IL1RAP: variants seen among roughly 807,000 people sequenced by gnomAD.
The protein encoded by IL1RAP is interleukin-1 receptor accessory protein.
Under a neutral mutation model 60.7 loss-of-function variants are expected in IL1RAP, and 35 were observed. That is an observed-to-expected ratio of 0.58 (90% CI 0.44 to 0.76). IL1RAP has a LOEUF of 0.76. Among genes scored for constraint, IL1RAP ranks in the 30% least tolerant of loss-of-function variants. IL1RAP has a pLI of 0.00. For synonymous variants in IL1RAP, 268 were observed against 250.9 expected (o/e 1.07, Z -0.64); for missense variants, 572 against 693.9 (o/e 0.82, Z 1.97).
intron 1 of IL1RAP, among the ~76,000 whole-genome samples, chr3:190,525,542 A>G (rs911726846): frequency 6.6e-6 from 1 of 152,200 alleles, no homozygotes; most frequent in Non-Finnish European, 1.5e-5. Context: ...AGGTGTTTAG[A>G]GCCTTGAACA....
rs1727445042 is a variant in IL1RAP, at chr3:190,576,371, A to AC, written c.64+12018_64+12019insC. On this transcript the variant is annotated intron_variant, in intron 3 of 11. Transcript: ENST00000447382. ...TAATGTCATCAGAATGCAAGGAGCT[A>AC]TTATATATATATACACACACACACA... Among the ~76,000 whole-genome samples the AC allele has an allele frequency of 5.4e-5, 6 of 111,346 alleles. No individual in the cohort carries two copies. In the South Asian group the frequency reaches 1.7e-3, roughly 32 times the overall value. 73.0% of individuals were successfully genotyped at this position (111,346 alleles called of 152,430 possible).
chr3:190,562,604 C>G (rs1725987377), intron 2 of IL1RAP, among the ~76,000 whole-genome samples: 1 of 151,902 alleles, frequency 6.6e-6, no homozygotes, highest in Admixed American at 6.6e-5. Flanking sequence ...AACTTGGAAA[C>G]TCAAAGGATA....
Position 190,651,057 on chromosome 3 carries a change from G to C in IL1RAP, c.*2352G>C. ...TTATGTGATACGTATCATTGCAAGA[G>C]AATTTGTTTCAAGATTTTTTTTTAA... On this transcript the variant is annotated 3_prime_UTR_variant, in exon 12 of 12. Transcript: ENST00000447382. 1.0e-6 allele frequency: 1 copy of C among 984,630 alleles called. No homozygotes were observed. Among genetic ancestry groups the C allele is most frequent in the Non-Finnish European group, 1.2e-6 (1 of 829,378 alleles). The allele number at this position is 984,630 out of a possible 1,614,324, so 61.0% of individuals were successfully genotyped here. A position where few individuals can be genotyped will look rare whatever the true frequency, so the allele number is the denominator to read the frequency against.
At chr3:190,558,496 G>A (rs369648411) in intron 2 of IL1RAP, among the ~76,000 whole-genome samples, 54 of 152,168 alleles carry the variant, frequency 3.5e-4, no homozygotes, top group South Asian at 2.7e-3. Flanking sequence ...GTGTATTGTG[G>A]TATCTCCTTG....
downstream of IL1RAP, among the ~76,000 whole-genome samples, chr3:190,652,156 C>T (rs1020027134): frequency 3.3e-5 from 5 of 152,034 alleles, no homozygotes; most frequent in African/African-American, 9.6e-5. Context: ...ACAGGGATGC[C>T]TTTTTGCTTT....
intron 2 of IL1RAP, among the ~76,000 whole-genome samples, chr3:190,561,076 C>T (rs1314897831): frequency 6.6e-6 from 1 of 152,040 alleles, no homozygotes; most frequent in Non-Finnish European, 1.5e-5. Flanking sequence ...GTCTGTTAGG[C>T]CCCATTGCAA....
intron 3 of IL1RAP, among the ~76,000 whole-genome samples, chr3:190,593,947 G>A (rs530134212): frequency 4.0e-4 from 61 of 152,242 alleles, no homozygotes; most frequent in South Asian, 2.3e-3. Context: ...TGTCATTGAG[G>A]AACAAAAAGA....
At chr3:190,590,725 G>A (rs1464374863) in intron 3 of IL1RAP, among the ~76,000 whole-genome samples, 1 of 152,080 alleles carries the variant, frequency 6.6e-6, no homozygotes, top group African/African-American at 2.4e-5. Flanking sequence ...ATCTTTTTTG[G>A]CTCAGTATTA....
chr3:190,530,231 C>G (rs1375155210), intron 1 of IL1RAP, among the ~76,000 whole-genome samples: 1 of 152,110 alleles, frequency 6.6e-6, no homozygotes, highest in Non-Finnish European at 1.5e-5. Context: ...CAAGGAGGCA[C>G]TATTTTTTGG....
intron 2 of IL1RAP, among the ~76,000 whole-genome samples, chr3:190,557,807 G>T (rs1250048940): frequency 1.3e-5 from 2 of 152,170 alleles, no homozygotes; most frequent in Non-Finnish European, 2.9e-5. Flanking sequence ...TTAATGCACT[G>T]TAACATTAAC....
intron 2 of IL1RAP, among the ~76,000 whole-genome samples, chr3:190,560,583 A>G (rs1725801251): frequency 6.6e-6 from 1 of 152,176 alleles, no homozygotes; most frequent in African/African-American, 2.4e-5. Flanking sequence ...TGAGGGACAA[A>G]TCCAGTCCTG....
rs1293576956 is a variant in IL1RAP at position 190,648,373 on chromosome 3, A to G, written c.1381A>G (p.Ser461Gly). ...TDETLSFIQK[S>G]RRLLVVLSPN... ...TGAGACTTTGAGCTTCATTCAGAAA[A>G]GCAGACGCCTCCTGGTTGTTCTAAG... Residue 461 changes from serine to glycine, a missense_variant, in exon 12 of 12, where the codon AGC becomes GGC. Physicochemically the swap from Ser to Gly is moderately conservative, Grantham distance 56. Coordinates refer to ENST00000447382, the MANE Select transcript of IL1RAP (RefSeq NM_002182.4). The G allele has an allele frequency of 6.2e-7, 1 of 1,600,328 alleles. No individual in the cohort carries two copies. The highest frequency in any genetic ancestry group is 8.5e-7 in the Non-Finnish European group (1 of 1,176,466).
rs914859336 is a variant in IL1RAP at position 190,570,800 on chromosome 3, A to C, written c.64+6447A>C. ...GGGTTGGTCTGGAACTCCTGACCTC[A>C]GGTGATCTGCCTGCCTCAGCCTCCC... On this transcript the variant is annotated intron_variant, in intron 3 of 11. Transcript: ENST00000447382. Among the ~76,000 whole-genome samples, 5 of 152,286 alleles carry C rather than the reference A, an allele frequency of 3.3e-5. No individual in the cohort carries two copies. The South Asian group carries it at 8.3e-4, about 25-fold the overall frequency.
At position 190,626,969 on chromosome 3, in the gene IL1RAP, C is replaced by A. The variant is rs866383198; in HGVS notation, c.776-354C>A. On this transcript the variant is annotated intron_variant, in intron 7 of 11. Coordinates refer to ENST00000447382, the MANE Select transcript of IL1RAP (RefSeq NM_002182.4). Reference sequence around the variant, plus strand: ...ACAGGTGTGAGCCACTATGCCTAGCCTTGTCAGAGACTTTTTAAACAAATA... The same window carrying A: ...ACAGGTGTGAGCCACTATGCCTAGCATTGTCAGAGACTTTTTAAACAAATA... 1.1e-4 allele frequency among the ~76,000 whole-genome samples: 17 copies of A among 152,212 alleles called. No homozygotes were observed. The South Asian group carries it at 3.5e-3, about 32-fold the overall frequency.
rs1734371301 is a variant in IL1RAP, at chr3:190,651,147, G to A, written c.*2442G>A. 1.0e-6 allele frequency: 1 copy of A among 983,688 alleles called. No homozygotes were observed. Among genetic ancestry groups the A allele is most frequent in the Non-Finnish European group, 1.2e-6 (1 of 828,792 alleles). 60.9% of individuals were successfully genotyped at this position (983,688 alleles called of 1,614,324 possible). A position where few individuals can be genotyped will look rare whatever the true frequency, so the allele number is the denominator to read the frequency against. On this transcript the variant is annotated 3_prime_UTR_variant, in exon 12 of 12. Transcript: ENST00000447382. ...TGGGGAAACATAATTTAGAGAACAA[G>A]AACAAACCATGTCTCAAATTTTTTT... is the stretch of plus-strand genomic sequence containing the variant.
At chr3:190,572,701 T>C (rs927342794) in intron 3 of IL1RAP, among the ~76,000 whole-genome samples, 2 of 151,802 alleles carry the variant, frequency 1.3e-5, no homozygotes, top group Non-Finnish European at 2.9e-5. Context: ...GTTTTCTAGG[T>C]TTTTTTGTTT....
At chr3:190,575,855 G>A (rs1409174270) in intron 3 of IL1RAP, among the ~76,000 whole-genome samples, 2 of 152,230 alleles carry the variant, frequency 1.3e-5, no homozygotes, top group Non-Finnish European at 2.9e-5. Flanking sequence ...TTGCTGTAAA[G>A]CAGCTAGAAA....
rs1223488411 is a variant in IL1RAP, at chr3:190,627,452, A to G, written c.902+3A>G. 6.2e-7 allele frequency: 1 copy of G among 1,610,482 alleles called. No homozygotes were observed. The highest frequency in any genetic ancestry group is 1.7e-5 in the Admixed American group (1 of 59,296). ...ATTGATGTCACCATTAACGAAAGGT[A>G]TCATGGGGGCCAGCAAGGGAGTGAT... On this transcript the variant is annotated splice_donor_region_variant and intron_variant, in intron 8 of 11. Transcript: ENST00000447382.
At chr3:190,656,274 G>A, downstream of IL1RAP, 1 of 1,537,220 alleles carries the variant, frequency 6.5e-7, no homozygotes, top group Non-Finnish European at 8.7e-7. Flanking sequence ...GAAGTCGTTT[G>A]AAAGAGCCCC....
Sources: allele counts gnomAD v4.1 joint callset (sites outside exome capture counted in the v4.1 genomes callset), GRCh38; gene constraint gnomAD v4.1.1; transcripts MANE v1.5; gene names NCBI Gene and HGNC (gene_info 2026-07-23, HGNC 2026-07-21).